KCNH5: variants seen among roughly 807,000 people sequenced by gnomAD.
The protein encoded by KCNH5 is voltage-gated delayed rectifier potassium channel KCNH5.
In KCNH5, 46 loss-of-function variants were observed where a neutral mutation model predicts 96.1. The observed-to-expected ratio is 0.48, with a 90% CI of 0.38 to 0.61. The LOEUF (loss-of-function observed/expected upper bound fraction) is 0.61, where lower values mean the gene tolerates loss of function less well. KCNH5 is among the 20% of genes least tolerant of loss of function. The probability of loss-of-function intolerance (pLI) is 0.00; values close to 1 mark genes in which losing one functional copy is unlikely to be tolerated. For missense variants in KCNH5, 907 were observed against 1,225.8 expected, an observed-to-expected ratio of 0.74 and a Z score of 3.88; for synonymous variants, 439 against 449.8, an observed-to-expected ratio of 0.98 and a Z score of 0.30.
intron 5 of KCNH5, among the ~76,000 whole-genome samples, chr14:62,981,942 G>C (rs1253503325): frequency 6.6e-6 from 1 of 152,108 alleles, no homozygotes; most frequent in African/African-American, 2.4e-5. Flanking sequence ...TATGAACCTT[G>C]AGTTACACTA....
At chr14:62,735,596 A>G (rs1885139334) in intron 10 of KCNH5, among the ~76,000 whole-genome samples, 1 of 152,178 alleles carries the variant, frequency 6.6e-6, no homozygotes, top group Non-Finnish European at 1.5e-5. Context: ...GCGGTACTCC[A>G]CCTTCAAAAT....
chr14:62,876,552 C>T (rs1191860759), intron 7 of KCNH5, among the ~76,000 whole-genome samples: 2 of 152,112 alleles, frequency 1.3e-5, no homozygotes, highest in African/African-American at 4.8e-5. Context: ...TTTCTATACA[C>T]TACCAACAAA....
At chr14:62,817,226 TATA>T (rs928757154) in intron 8 of KCNH5, among the ~76,000 whole-genome samples, 1 of 131,894 alleles carries the variant, frequency 7.6e-6, no homozygotes, top group African/African-American at 2.8e-5. Context: ...TTATATATAA[TATA>T]ATACATATAT....
chr14:62,949,338 T>C (rs558757646), intron 7 of KCNH5, among the ~76,000 whole-genome samples: 11 of 152,182 alleles, frequency 7.2e-5, no homozygotes, highest in Non-Finnish European at 1.5e-4. Context: ...CAAAGTACAA[T>C]CTTAAGGTTA....
chr14:62,741,694 T>C (rs1232919127), intron 10 of KCNH5, among the ~76,000 whole-genome samples: 1 of 152,144 alleles, frequency 6.6e-6, no homozygotes, highest in Admixed American at 6.6e-5. Flanking sequence ...AAAGTTGATA[T>C]TATTTTCTAT....
chr14:62,863,152 A>G (rs1396678873), intron 7 of KCNH5, among the ~76,000 whole-genome samples: 2 of 152,196 alleles, frequency 1.3e-5, no homozygotes, highest in African/African-American at 2.4e-5. Context: ...GTGTGTTGAC[A>G]TATCTTCTAT....
At chr14:62,871,137 A>C (rs762203798) in intron 7 of KCNH5, among the ~76,000 whole-genome samples, 2 of 152,316 alleles carry the variant, frequency 1.3e-5, no homozygotes, top group Non-Finnish European at 2.9e-5. Flanking sequence ...TGATTGGCTT[A>C]TTGGGTATTA....
chr14:62,931,301 G>T (rs1261073260), intron 7 of KCNH5, among the ~76,000 whole-genome samples: 1 of 152,130 alleles, frequency 6.6e-6, no homozygotes, highest in South Asian at 2.1e-4. Flanking sequence ...CAATGGGAAA[G>T]TTTTGATCAA....
Position 62,706,752 on chromosome 14 carries a change from T to C in KCNH5, c.*756A>G, listed in dbSNP as rs1595586653. Reference sequence around the variant, plus strand: ...AATAACATACTCTATATTAATAGTTTAGTATTTATGATGTTGATAATGTCA... The same window carrying C: ...AATAACATACTCTATATTAATAGTTCAGTATTTATGATGTTGATAATGTCA... On this transcript the variant is annotated 3_prime_UTR_variant, in exon 11 of 11. Transcript: ENST00000322893. 1 of 152,168 alleles carries C rather than the reference T, an allele frequency of 6.6e-6. No homozygotes were observed. The highest frequency in any genetic ancestry group is 1.5e-5 in the Non-Finnish European group (1 of 67,996). 9.4% of individuals were successfully genotyped at this position (152,168 alleles called of 1,614,324 possible).
At chr14:62,731,256 G>A (rs749801092) in intron 10 of KCNH5, among the ~76,000 whole-genome samples, 1 of 151,708 alleles carries the variant, frequency 6.6e-6, no homozygotes, top group African/African-American at 2.4e-5. Context: ...AGCCAAGATC[G>A]CGCCACTGCA....
At chr14:62,846,769 A>G (rs1273207783) in intron 8 of KCNH5, among the ~76,000 whole-genome samples, 1 of 47,962 alleles carries the variant, frequency 2.1e-5, no homozygotes, top group African/African-American at 6.9e-5. Context: ...TTATTATTGT[A>G]TTGTATTATT....
chr14:62,952,019 T>C (rs1312975956), intron 6 of KCNH5, among the ~76,000 whole-genome samples: 4 of 150,532 alleles, frequency 2.7e-5, no homozygotes, highest in Admixed American at 6.6e-5. Flanking sequence ...TGTTATACTA[T>C]ATTCTATAAG....
chr14:62,710,367 T>G (rs955744614), intron 10 of KCNH5, among the ~76,000 whole-genome samples: 1 of 152,236 alleles, frequency 6.6e-6, no homozygotes, highest in African/African-American at 2.4e-5. Context: ...TCTCAAATTC[T>G]GACATCAAAG....
At chr14:62,744,386 A>G (rs748890042) in intron 10 of KCNH5, among the ~76,000 whole-genome samples, 2 of 152,220 alleles carry the variant, frequency 1.3e-5, no homozygotes, top group Non-Finnish European at 1.5e-5. Flanking sequence ...TAAGAGCTTC[A>G]GAAGTGTCAG....
At chr14:62,822,755 A>T (rs2140019318) in intron 8 of KCNH5, among the ~76,000 whole-genome samples, 1 of 152,216 alleles carries the variant, frequency 6.6e-6, no homozygotes, top group East Asian at 1.9e-4. Context: ...CCAAATGTAC[A>T]ATCCATAAAA....
At chr14:62,711,888 C>T (rs899394740) in intron 10 of KCNH5, among the ~76,000 whole-genome samples, 1 of 152,166 alleles carries the variant, frequency 6.6e-6, no homozygotes, top group Non-Finnish European at 1.5e-5. Flanking sequence ...ATCAATTATG[C>T]CACACATAAA....
chr14:62,807,333 T>C (rs528971221), intron 8 of KCNH5, among the ~76,000 whole-genome samples: 4 of 152,270 alleles, frequency 2.6e-5, no homozygotes, highest in Non-Finnish European at 5.9e-5. Context: ...TGTAGCTATA[T>C]ATATGTTGTA....
At chr14:62,939,761 G>A (rs1595692794) in intron 7 of KCNH5, among the ~76,000 whole-genome samples, 1 of 152,256 alleles carries the variant, frequency 6.6e-6, no homozygotes, top group Admixed American at 6.5e-5. Context: ...CCAACGTGGT[G>A]AAACCCCCAA....
At chr14:62,917,638 T>G (rs1328432926) in intron 7 of KCNH5, among the ~76,000 whole-genome samples, 1 of 152,016 alleles carries the variant, frequency 6.6e-6, no homozygotes, top group African/African-American at 2.4e-5. Flanking sequence ...GAGAGAAGAG[T>G]TCATTCAATA....
Sources: allele counts gnomAD v4.1 joint callset (sites outside exome capture counted in the v4.1 genomes callset), GRCh38; gene constraint gnomAD v4.1.1; transcripts MANE v1.5; gene names NCBI Gene and HGNC (gene_info 2026-07-23, HGNC 2026-07-21).